The following IL23R variants were observed in gnomAD, a reference collection of about 807,000 sequenced individuals.
The protein encoded by IL23R is interleukin 23 receptor, also known as interleukin-23 receptor.
IL23R carries 34 observed loss-of-function variants against 56.9 expected under a neutral mutation model. The ratio of observed to expected loss-of-function variants is 0.60; its 90% CI spans 0.45 to 0.80. The LOEUF is 0.80. Among genes scored for constraint, IL23R ranks in the 30% least tolerant of loss-of-function variants. IL23R has a pLI of 0.00. For synonymous variants in IL23R, 230 were observed against 249.2 expected, an observed-to-expected ratio of 0.92 and a Z score of 0.73; for missense variants, 635 against 730.0, an observed-to-expected ratio of 0.87 and a Z score of 1.50.
intron 1 of IL23R, among the ~76,000 whole-genome samples, chr1:67,146,945 G>A (rs928557438): frequency 1.3e-5 from 2 of 152,162 alleles, no homozygotes; most frequent in African/African-American, 2.4e-5. Flanking sequence ...CCATAGGGAT[G>A]GGCACATGAT....
At chr1:67,184,799 T>C (rs904383643) in intron 4 of IL23R, among the ~76,000 whole-genome samples, 22 of 152,190 alleles carry the variant, frequency 1.4e-4, no homozygotes, top group Admixed American at 6.5e-5. Flanking sequence ...CCTGGGATCA[T>C]ACAAATGCTT....
chr1:67,208,658 G>A (rs760417469), intron 6 of IL23R, among the ~76,000 whole-genome samples: 5 of 152,252 alleles, frequency 3.3e-5, no homozygotes, highest in Non-Finnish European at 7.3e-5. Context: ...TTCAGAAGAT[G>A]TATGGAAATG....
At chr1:67,238,329 A>G (rs2100320890) in intron 8 of IL23R, among the ~76,000 whole-genome samples, 1 of 136,884 alleles carries the variant, frequency 7.3e-6, no homozygotes, top group East Asian at 2.2e-4. Context: ...ACAGAGCAAG[A>G]CCCTGTCTCA....
chr1:67,191,815 T>C (rs1278099098), intron 4 of IL23R, among the ~76,000 whole-genome samples: 1 of 152,212 alleles, frequency 6.6e-6, no homozygotes, highest in Non-Finnish European at 1.5e-5. Context: ...GAGCATTTAA[T>C]GTAGCTCTTC....
chr1:67,149,045 G>C (rs575785220), intron 1 of IL23R, among the ~76,000 whole-genome samples: 1 of 152,236 alleles, frequency 6.6e-6, no homozygotes, highest in South Asian at 2.1e-4. Flanking sequence ...CTTTGTTATA[G>C]AACATTGTAG....
At chr1:67,178,667 T>G (rs11218180) in intron 3 of IL23R, among the ~76,000 whole-genome samples, 1 of 151,968 alleles carries the variant, frequency 6.6e-6, no homozygotes, top group Non-Finnish European at 1.5e-5. Flanking sequence ...TGAATAGGAG[T>G]GGTGAGAGAG....
At position 67,199,116 on chromosome 1, in the gene IL23R, C is replaced by T. The variant is rs537744538; in HGVS notation, c.492-1621C>T. On this transcript the variant is annotated intron_variant, in intron 4 of 10. Coordinates refer to ENST00000347310, the MANE Select transcript of IL23R (RefSeq NM_144701.3). The stretch of plus-strand genomic sequence containing the variant: ...GACCCTCAAAATAGTGTGAATCTCA[C>T]TATATGCACTCACTTTCTATCACTT... Among the ~76,000 whole-genome samples the T allele has an allele frequency of 5.9e-5, 9 of 152,296 alleles. No individual in the cohort carries two copies. In the South Asian group the frequency reaches 6.2e-4, roughly 11 times the overall value.
At chr1:67,182,983 A>T in intron 4 of IL23R, 24 bp downstream of exon 4, 1 of 1,613,440 alleles carries the variant, frequency 6.2e-7, no homozygotes, top group Non-Finnish European at 8.5e-7. Flanking sequence ...TCACGGCTTC[A>T]TATAAGCAGT....
Position 67,150,641 on chromosome 1 carries a change from G to T in IL23R, c.-634+11480G>T, listed in dbSNP as rs564234246. ...GCTGCACGTTCTGCACATGTATCCT[G>T]GAACTTAAAGTAAAAAAAAAAAAAA... On this transcript the variant is annotated intron_variant, in intron 1 of 10. Coordinates refer to the IL23R transcript ENST00000637002. Among the ~76,000 whole-genome samples the T allele has an allele frequency of 4.5e-4, 58 of 128,362 alleles. 1 individual carries two copies. In the South Asian group the frequency reaches 5.1e-3, roughly 11 times the overall value. The allele number at this position is 128,362 out of a possible 152,430, so 84.2% of individuals were successfully genotyped here.
At chr1:67,252,587 A>G (rs1168805736) in intron 9 of IL23R, among the ~76,000 whole-genome samples, 1 of 151,382 alleles carries the variant, frequency 6.6e-6, no homozygotes, top group Non-Finnish European at 1.5e-5. Flanking sequence ...GGACACAAGT[A>G]GGTCCAACAG....
chr1:67,181,851 A>C (rs1266713362), intron 3 of IL23R, among the ~76,000 whole-genome samples: 1 of 152,232 alleles, frequency 6.6e-6, no homozygotes, highest in Admixed American at 6.5e-5. Context: ...TCCTTCTAAC[A>C]GTCAGGAACC....
chr1:67,219,551 T>C (rs778859786), intron 6 of IL23R, 23 bp from the exon 7 acceptor site: 41 of 1,609,204 alleles, frequency 2.5e-5, no homozygotes, highest in Non-Finnish European at 3.4e-5. Flanking sequence ...CCACATTTTA[T>C]TATTGTTACC....
intron 4 of IL23R, 68 bp downstream of exon 4, chr1:67,183,027 C>T: frequency 6.3e-7 from 1 of 1,577,778 alleles, no homozygotes; most frequent in Non-Finnish European, 8.7e-7. Flanking sequence ...CTGCCTCCAG[C>T]AGAGATCCAA....
intron 7 of IL23R, among the ~76,000 whole-genome samples, chr1:67,235,796 A>G (rs1243528033): frequency 6.6e-6 from 1 of 152,184 alleles, no homozygotes; most frequent in Admixed American, 6.5e-5. Context: ...ACTACTCCTT[A>G]TACAAGCCTG....
At chr1:67,236,888 G>A (rs1057364118) in intron 8 of IL23R, 86 bp downstream of exon 8, 25 of 869,150 alleles carry the variant, frequency 2.9e-5, no homozygotes, top group Middle Eastern at 2.2e-4. Context: ...CACATCAGGT[G>A]TTAAGTTTCT....
chr1:67,225,566 TAGTG>T (rs1650559167), intron 7 of IL23R, among the ~76,000 whole-genome samples: 1 of 150,648 alleles, frequency 6.6e-6, no homozygotes, highest in African/African-American at 2.4e-5. Context: ...GGCTAGAGTG[TAGTG>T]CACCATCTCA....
intron 8 of IL23R, among the ~76,000 whole-genome samples, chr1:67,238,637 G>A (rs1651650392): frequency 6.6e-6 from 1 of 152,144 alleles, no homozygotes; most frequent in African/African-American, 2.4e-5. Context: ...ATAAGAGGCA[G>A]AGTTTAATTC....
At chr1:67,157,861 T>G (rs72927016) in intron 1 of IL23R, among the ~76,000 whole-genome samples, 2,538 of 152,330 alleles carry the variant, frequency 0.017, 63 homozygotes, top group African/African-American at 0.058. Flanking sequence ...TTTTGTCTGT[T>G]TTGTTTACCC....
intron 4 of IL23R, among the ~76,000 whole-genome samples, chr1:67,194,774 C>G (rs1053491532): frequency 6.6e-6 from 1 of 152,140 alleles, no homozygotes; most frequent in African/African-American, 2.4e-5. Flanking sequence ...ACCATTTACA[C>G]ATAGTTGCCA....
Sources: gnomAD v4.1 joint callset for allele counts (sites outside exome capture counted in the v4.1 genomes callset) on GRCh38, gnomAD v4.1.1 for gene constraint, MANE v1.5 for transcripts, NCBI Gene and HGNC (gene_info 2026-07-23, HGNC 2026-07-21) for gene names.